Variants in ACSM2B observed in about 807,000 individuals in gnomAD.
ACSM2B encodes the protein acyl-coenzyme A synthetase ACSM2B, mitochondrial.
In ACSM2B, 58 loss-of-function variants were observed where a neutral mutation model predicts 78.6. The ratio of observed to expected loss-of-function variants is 0.74; its 90% CI spans 0.60 to 0.92. The LOEUF is 0.92. ACSM2B is among the 40% of genes least tolerant of loss of function. The pLI is 0.00. For synonymous variants in ACSM2B, 257 were observed against 256.8 expected, an observed-to-expected ratio of 1.00 and a Z score of -0.01; for missense variants, 688 against 711.2, an observed-to-expected ratio of 0.97 and a Z score of 0.37.
At chr16:20,569,681 A>G (rs1203464381) in intron 1 of ACSM2B, among the ~76,000 whole-genome samples, 1 of 151,792 alleles carries the variant, frequency 6.6e-6, no homozygotes, top group Non-Finnish European at 1.5e-5. Flanking sequence ...TCATTTTTAC[A>G]ATATTTATTC....
At chr16:20,557,416 T>A (rs1173348986) in intron 3 of ACSM2B, among the ~76,000 whole-genome samples, 1 of 148,516 alleles carries the variant, frequency 6.7e-6, no homozygotes, top group Non-Finnish European at 1.5e-5. Flanking sequence ...CCCCCCCAAT[T>A]GCCTGTTAAA....
chr16:20,538,040 A>G (rs923855250), intron 13 of ACSM2B, among the ~76,000 whole-genome samples: 3 of 152,212 alleles, frequency 2.0e-5, no homozygotes, highest in African/African-American at 7.2e-5. Flanking sequence ...ATCCAAAGAT[A>G]TGGATGATAA....
At chr16:20,552,597 T>C (rs573640935) in intron 5 of ACSM2B, among the ~76,000 whole-genome samples, 4 of 152,312 alleles carry the variant, frequency 2.6e-5, no homozygotes, top group African/African-American at 7.2e-5. Flanking sequence ...GTTTCTGGCA[T>C]GCATGTGGTA....
chr16:20,547,736 C>T, intron 8 of ACSM2B: 1 of 1,081,170 alleles, frequency 9.2e-7, no homozygotes, highest in Non-Finnish European at 1.1e-6. Context: ...TTTCTGACTA[C>T]CATATGTGAT....
chr16:20,540,079 A>G (rs1310862282), intron 13 of ACSM2B, among the ~76,000 whole-genome samples: 1 of 152,208 alleles, frequency 6.6e-6, no homozygotes, highest in Non-Finnish European at 1.5e-5. Context: ...TACAGGTAAG[A>G]TACTGGCTAG....
intron 1 of ACSM2B, among the ~76,000 whole-genome samples, chr16:20,566,203 G>A (rs2015825630): frequency 7.9e-6 from 1 of 126,086 alleles, no homozygotes; most frequent in Non-Finnish European, 1.6e-5. Flanking sequence ...TTCCTTCCAA[G>A]CTCATGCTCT....
chr16:20,570,479 A>G (rs187404149), intron 1 of ACSM2B, among the ~76,000 whole-genome samples: 8 of 151,978 alleles, frequency 5.3e-5, no homozygotes, highest in African/African-American at 1.4e-4. Flanking sequence ...CTAATTAAGA[A>G]TTTTTGCATC....
chr16:20,561,469 C>G (rs551188832), intron 2 of ACSM2B, among the ~76,000 whole-genome samples: 10 of 151,562 alleles, frequency 6.6e-5, no homozygotes, highest in African/African-American at 2.4e-4. Context: ...ACAACAAGAT[C>G]TCTCATGAAC....
intron 4 of ACSM2B, among the ~76,000 whole-genome samples, chr16:20,554,996 G>GCTAATGAT (rs1268721446): frequency 2.0e-5 from 3 of 152,188 alleles, no homozygotes; most frequent in African/African-American, 2.4e-5. Context: ...AGGACCAGAT[G>GCTAATGAT]CTAATGATTC....
At chr16:20,554,435 A>T (rs147612751) in intron 4 of ACSM2B, among the ~76,000 whole-genome samples, 58 of 152,274 alleles carry the variant, frequency 3.8e-4, no homozygotes, top group African/African-American at 1.3e-3. Context: ...TGAACCTTTA[A>T]AAGCAGGCAT....
Position 20,536,933 on chromosome 16 carries a change from C to A in ACSM2B, c.*325G>T. 4.9e-6 allele frequency: 1 copy of A among 204,994 alleles called. No individual in the cohort carries two copies. Among genetic ancestry groups the A allele is most frequent in the Non-Finnish European group, 9.7e-6 (1 of 103,060 alleles). The allele number at this position is 204,994 out of a possible 1,614,324, so 12.7% of individuals were successfully genotyped here. ...CCCCCTTTCATCTCCTCTTTCCTTTCTTCCTCCTTCCCTTGCTTCCTCTCG... is the reference window on the plus strand; with the variant it reads ...CCCCCTTTCATCTCCTCTTTCCTTTATTCCTCCTTCCCTTGCTTCCTCTCG... On this transcript the variant is annotated 3_prime_UTR_variant, in exon 14 of 14. Transcript: ENST00000329697.
intron 5 of ACSM2B, among the ~76,000 whole-genome samples, chr16:20,553,253 T>C (rs936079467): frequency 6.6e-6 from 1 of 152,228 alleles, no homozygotes; most frequent in Non-Finnish European, 1.5e-5. Flanking sequence ...ATTGCTTGAA[T>C]ACCTTGGCAC....
chr16:20,545,966 A>G (rs1451475904), intron 9 of ACSM2B, among the ~76,000 whole-genome samples: 2 of 152,246 alleles, frequency 1.3e-5, no homozygotes, highest in Non-Finnish European at 2.9e-5. Flanking sequence ...GATAAAAGGC[A>G]TAAACAGCAG....
At chr16:20,553,647 G>A in intron 5 of ACSM2B, 130 bp downstream of exon 5, 1 of 1,417,086 alleles carries the variant, frequency 7.1e-7, no homozygotes, top group East Asian at 2.3e-5. Flanking sequence ...GTCCTCTTTA[G>A]CTTTCCTTCT....
At chr16:20,562,232 C>A (rs1354457802) in intron 2 of ACSM2B, among the ~76,000 whole-genome samples, 2 of 151,674 alleles carry the variant, frequency 1.3e-5, no homozygotes, top group Admixed American at 6.6e-5. Flanking sequence ...TTTTACATAC[C>A]CATCATGATG....
Position 20,537,256 on chromosome 16 carries a change from C to T in ACSM2B, c.*2G>A, listed in dbSNP as rs977779170. On this transcript the variant is annotated 3_prime_UTR_variant, in exon 14 of 14. Coordinates refer to ENST00000329697, the MANE Select transcript of ACSM2B (RefSeq NM_001105069.2). ...AATCCAAATGAATGTCTCCTAGACGCCTCACTGCGCACGGGCTTTTCCGGA... is the reference window on the plus strand; with the variant it reads ...AATCCAAATGAATGTCTCCTAGACGTCTCACTGCGCACGGGCTTTTCCGGA... The T allele has an allele frequency of 1.1e-4, 172 of 1,613,726 alleles. 2 individuals carry two copies. In the Admixed American group the frequency reaches 1.2e-3, roughly 12 times the overall value.
intron 1 of ACSM2B, among the ~76,000 whole-genome samples, chr16:20,574,804 G>A (rs1015006387): frequency 1.1e-4 from 17 of 150,956 alleles, no homozygotes; most frequent in African/African-American, 4.2e-4. Flanking sequence ...CAGGAGATTA[G>A]ACTCTCACTC....
intron 11 of ACSM2B, 26 bp from the exon 12 acceptor site, chr16:20,543,039 A>C (rs367563401): frequency 1.9e-6 from 3 of 1,613,392 alleles, no homozygotes; most frequent in Non-Finnish European, 2.5e-6. Flanking sequence ...TCCTTCAGAG[A>C]ACACTGGACA....
At chr16:20,564,940 C>T (rs959973700) in intron 1 of ACSM2B, 87 bp from the exon 2 acceptor site, 71 of 1,502,706 alleles carry the variant, frequency 4.7e-5, no homozygotes, top group Non-Finnish European at 5.2e-5. Context: ...TTCATCCCAA[C>T]CTTATAGGAT....
Sources: gnomAD v4.1 joint callset for allele counts (sites outside exome capture counted in the v4.1 genomes callset) on GRCh38, gnomAD v4.1.1 for gene constraint, MANE v1.5 for transcripts, NCBI Gene and HGNC (gene_info 2026-07-23, HGNC 2026-07-21) for gene names.